Variants in SPATA3 observed in about 807,000 individuals in gnomAD.
SPATA3 encodes the protein spermatogenesis associated 3.
Under a neutral mutation model 5.7 loss-of-function variants are expected in SPATA3, and 6 were observed. The ratio of observed to expected loss-of-function variants is 1.06; its 90% CI spans 0.58 to 2.09. SPATA3 has a LOEUF of 2.09. SPATA3 is among the 30% of genes most tolerant of loss of function. The probability of loss-of-function intolerance (pLI) is 0.00; values close to 1 mark genes in which losing one functional copy is unlikely to be tolerated. For missense variants in SPATA3, 155 were observed against 130.4 expected (o/e 1.19, Z -0.92); for synonymous variants, 44 against 48.4 (o/e 0.91, Z 0.37).
At chr2:231,011,433 C>T (rs558501608), downstream of SPATA3, among the ~76,000 whole-genome samples, 9 of 152,296 alleles carry the variant, frequency 5.9e-5, no homozygotes, top group African/African-American at 1.2e-4. Context: ...AGGTTGGTCC[C>T]TGTATAGTGA....
intron 1 of SPATA3, chr2:230,999,514 A>T (rs939942584): frequency 3.3e-5 from 5 of 152,362 alleles, no homozygotes; most frequent in African/African-American, 9.6e-5. Context: ...TGAATCTGCC[A>T]GGTTGACCAC....
downstream of SPATA3, among the ~76,000 whole-genome samples, chr2:231,006,091 A>G (rs1692614681): frequency 6.7e-6 from 1 of 150,218 alleles, no homozygotes; most frequent in Admixed American, 6.6e-5. Flanking sequence ...GCTATTTGGG[A>G]GGCTGAGGTG....
At chr2:231,005,482 C>A (rs1344843765), downstream of SPATA3, among the ~76,000 whole-genome samples, 24 of 127,992 alleles carry the variant, frequency 1.9e-4, no homozygotes, top group Admixed American at 4.7e-4. Context: ...TCATCACCAC[C>A]ACCACCATCA....
chr2:231,016,810 C>G (rs1424476783), intron 6 of SPATA3, among the ~76,000 whole-genome samples: 1 of 152,230 alleles, frequency 6.6e-6, no homozygotes, highest in Non-Finnish European at 1.5e-5. Flanking sequence ...GTGCCCTCTC[C>G]TCTCTCCTCT....
intron 6 of SPATA3, among the ~76,000 whole-genome samples, chr2:231,015,982 C>T (rs867993270): frequency 1.3e-5 from 2 of 152,312 alleles, no homozygotes; most frequent in East Asian, 1.9e-4. Context: ...CTGTGAAGTC[C>T]GGCTTGAAAA....
chr2:231,017,813 A>G (rs1244892229), intron 6 of SPATA3, among the ~76,000 whole-genome samples: 10 of 152,186 alleles, frequency 6.6e-5, no homozygotes, highest in Admixed American at 5.9e-4. Flanking sequence ...ACATTAGTGA[A>G]GTAAATTGTG....
intron 4 of SPATA3, among the ~76,000 whole-genome samples, chr2:231,012,285 G>A (rs1692808794): frequency 6.6e-6 from 1 of 152,234 alleles, no homozygotes; most frequent in African/African-American, 2.4e-5. Flanking sequence ...TCTGAGGAGT[G>A]CATCAAGGAG....
At chr2:231,009,021 C>T (rs1692713609), downstream of SPATA3, among the ~76,000 whole-genome samples, 1 of 151,750 alleles carries the variant, frequency 6.6e-6, no homozygotes, top group South Asian at 2.1e-4. Flanking sequence ...CATCACTGTG[C>T]CCAGGAAAAT....
chr2:231,002,727 C>T, exon 3 of SPATA3: 4 of 1,534,666 alleles, frequency 2.6e-6, no homozygotes, highest in South Asian at 2.5e-5. Context: ...CGCGTGTCCT[C>T]CAAGCCCTCG....
At chr2:231,016,506 C>CAAAAAA (rs749712082) in intron 6 of SPATA3, among the ~76,000 whole-genome samples, 57 of 68,964 alleles carry the variant, frequency 8.3e-4, no homozygotes, top group African/African-American at 1.9e-3. Flanking sequence ...CCTGTCTCTA[C>CAAAAAA]AAAAAAAAAA....
At chr2:231,006,093 G>T (rs1297990532), downstream of SPATA3, among the ~76,000 whole-genome samples, 1 of 151,826 alleles carries the variant, frequency 6.6e-6, no homozygotes, top group Admixed American at 6.6e-5. Context: ...TATTTGGGAG[G>T]CTGAGGTGGA....
chr2:231,019,501 T>C (rs1371139038), intron 6 of SPATA3, among the ~76,000 whole-genome samples: 3 of 149,530 alleles, frequency 2.0e-5, no homozygotes, highest in Non-Finnish European at 4.5e-5. Context: ...TTTTTTTGTA[T>C]TTTTAGTAGA....
chr2:231,007,930 A>G (rs1692683686), downstream of SPATA3, among the ~76,000 whole-genome samples: 1 of 152,358 alleles, frequency 6.6e-6, no homozygotes, highest in African/African-American at 2.4e-5. Context: ...GGATGGCTTA[A>G]GCCCAGGAGG....
rs1450666753 is a variant in SPATA3 at position 231,002,678 on chromosome 2, C to T, written c.963-6C>T. 6.7e-7 allele frequency: 1 copy of T among 1,500,050 alleles called. No homozygotes were observed. The highest frequency in any genetic ancestry group is 8.9e-7 in the Non-Finnish European group (1 of 1,120,328). The allele number at this position is 1,500,050 out of a possible 1,614,324, so 92.9% of individuals were successfully genotyped here. On this transcript the variant is annotated splice_region_variant and splice_polypyrimidine_tract_variant and intron_variant, in intron 2 of 2. Transcript: ENST00000645363. ...CCACCACCCCCACTTCTGCTTTGCT[C>T]TACAGAAAATCTTCAAGAAAACCCT...
At chr2:230,997,159 T>G (rs1692156542) in intron 1 of SPATA3, among the ~76,000 whole-genome samples, 1 of 152,114 alleles carries the variant, frequency 6.6e-6, no homozygotes, top group Non-Finnish European at 1.5e-5. Context: ...AATTCCCAGG[T>G]GTTGTAGGAA....
At chr2:231,015,776 G>A (rs1559202679) in intron 6 of SPATA3, among the ~76,000 whole-genome samples, 1 of 152,176 alleles carries the variant, frequency 6.6e-6, no homozygotes, top group Non-Finnish European at 1.5e-5. Flanking sequence ...AACACAGAAA[G>A]GCCTCATTCA....
chr2:231,015,012 C>A (rs143826782), intron 6 of SPATA3, among the ~76,000 whole-genome samples: 5 of 151,742 alleles, frequency 3.3e-5, no homozygotes, highest in African/African-American at 1.2e-4. Flanking sequence ...GAGGGGAGCA[C>A]CAGGAAATCC....
intron 6 of SPATA3, among the ~76,000 whole-genome samples, chr2:231,017,732 G>A (rs1692968958): frequency 6.6e-6 from 1 of 152,174 alleles, no homozygotes; most frequent in African/African-American, 2.4e-5. Flanking sequence ...CTATTCAGAG[G>A]GGCTGCAGAC....
intron 6 of SPATA3, among the ~76,000 whole-genome samples, chr2:231,019,463 A>G (rs1431377170): frequency 6.7e-6 from 1 of 148,832 alleles, no homozygotes; most frequent in Admixed American, 6.7e-5. Context: ...AGCTGGGACT[A>G]CAGGCACCTG....
Sources: allele counts gnomAD v4.1 joint callset (sites outside exome capture counted in the v4.1 genomes callset), GRCh38; gene constraint gnomAD v4.1.1; transcripts MANE v1.5; gene names NCBI Gene and HGNC (gene_info 2026-07-23, HGNC 2026-07-21).